The following LRP4 variants were observed in gnomAD, a reference collection of about 807,000 sequenced individuals.
LRP4 encodes low-density lipoprotein receptor-related protein 4.
A neutral mutation model predicts 220.3 loss-of-function variants in LRP4; 95 were observed. The ratio of observed to expected loss-of-function variants is 0.43; its 90% CI spans 0.37 to 0.51. The LOEUF (loss-of-function observed/expected upper bound fraction) is 0.51. Ranked by LOEUF, LRP4 falls within the 20% of genes least tolerant of loss-of-function variation. LRP4 has a pLI of 0.00. For missense variants in LRP4, 1,925 were observed against 2,567.0 expected (o/e 0.75, Z 5.40); for synonymous variants, 903 against 954.6 (o/e 0.95, Z 1.00).
intron 34 of LRP4, among the ~76,000 whole-genome samples, chr11:46,866,735 ATGG>A (rs1940712980): frequency 6.6e-6 from 1 of 152,184 alleles, no homozygotes; most frequent in Admixed American, 6.5e-5. Flanking sequence ...CCTGGGCAAC[ATGG>A]TGAAGCCCCA....
At chr11:46,867,935 G>A in intron 34 of LRP4, 44 bp downstream of exon 34, 1 of 1,613,448 alleles carries the variant, frequency 6.2e-7, no homozygotes, top group Non-Finnish European at 8.5e-7. Flanking sequence ...ATGGGATGGT[G>A]ATTTGAATCA....
chr11:46,877,506 C>T (rs955550550), intron 22 of LRP4, among the ~76,000 whole-genome samples, 167 bp from the exon 23 acceptor site: 5 of 152,136 alleles, frequency 3.3e-5, no homozygotes, highest in African/African-American at 9.7e-5. Context: ...CTTGCTGTGT[C>T]GCCCAGGCTG....
At chr11:46,878,078 C>T (rs1055883781) in intron 22 of LRP4, among the ~76,000 whole-genome samples, 9 of 152,074 alleles carry the variant, frequency 5.9e-5, no homozygotes, top group African/African-American at 2.2e-4. Context: ...GCAGCCTACC[C>T]TGCAGCATCT....
rs753496317 is a variant in LRP4, at chr11:46,875,144, C to T, written c.3926-41G>A. ...ACAAGTATTCACACCTAGCCTGGAA[C>T]ATCATCTGAATCTTACAAAGGTCCC... On this transcript the variant is annotated intron_variant, in intron 27 of 37. Coordinates refer to ENST00000378623, the MANE Select transcript of LRP4 (RefSeq NM_002334.4). This position sits in a 1 kb window ranked among gnomAD's most constrained non-coding sequence, Gnocchi z 4.5. The T allele has an allele frequency of 1.0e-5, 16 of 1,589,716 alleles. No individual in the cohort carries two copies. Among genetic ancestry groups the T allele is most frequent in the Middle Eastern group, 2.2e-4 (1 of 4,606 alleles).
chr11:46,870,151 C>T (rs900940096), intron 31 of LRP4, among the ~76,000 whole-genome samples: 19 of 151,988 alleles, frequency 1.3e-4, no homozygotes, highest in African/African-American at 4.6e-4. Flanking sequence ...TGCCTGTAAT[C>T]CCACCTACTC....
intron 36 of LRP4, among the ~76,000 whole-genome samples, chr11:46,863,479 T>C (rs1196512675): frequency 1.3e-5 from 2 of 150,908 alleles, no homozygotes; most frequent in African/African-American, 4.9e-5. Context: ...GGCTCACACC[T>C]GTAATCTTGG....
At position 46,873,275 on chromosome 11, in the gene LRP4, ACAG is replaced by A. The variant is rs777222513; in HGVS notation, c.4449-44_4449-42del. On this transcript the variant is annotated intron_variant, in intron 29 of 37. Transcript: ENST00000378623. This position sits in a 1 kb window ranked among gnomAD's most constrained non-coding sequence, Gnocchi z 4.2. ...GCCATCATCATCAAGGCATGGGAAG[ACAG>A]CACCCAGAGGTTGAGAGAACACAGA... 1 of 1,614,070 alleles carries A rather than the reference ACAG, an allele frequency of 6.2e-7. No individual in the cohort carries two copies. Among genetic ancestry groups the A allele is most frequent in the Non-Finnish European group, 8.5e-7 (1 of 1,179,946 alleles).
At chr11:46,897,126 G>A (rs2134856342) in intron 7 of LRP4, 132 bp from the exon 8 acceptor site, 1 of 1,168,436 alleles carries the variant, frequency 8.6e-7, no homozygotes, top group Non-Finnish European at 1.2e-6. Flanking sequence ...TCTATATAGT[G>A]TCTTTGTGTG....
intron 28 of LRP4, chr11:46,874,535 G>A (rs534962346): frequency 1.3e-5 from 6 of 472,696 alleles, no homozygotes; most frequent in South Asian, 4.7e-5. Flanking sequence ...AATGGTAGAT[G>A]TGAAAGTCTC....
At chr11:46,897,093 C>G (rs1941548900) in intron 7 of LRP4, 99 bp from the exon 8 acceptor site, 1 of 1,477,104 alleles carries the variant, frequency 6.8e-7, no homozygotes, top group Admixed American at 1.7e-5. Flanking sequence ...CCATGCCACT[C>G]TTGACACCGG....
chr11:46,900,096 G>A (rs1007616796), intron 3 of LRP4, 120 bp from the exon 4 acceptor site: 3 of 990,942 alleles, frequency 3.0e-6, no homozygotes, highest in African/African-American at 3.2e-5. Context: ...CTCCGAAGGA[G>A]GTGGCTGCCT....
chr11:46,876,035 AACAGTATGTCAGATACACTTGAGTACTT>A, intron 25 of LRP4, 69 bp from the exon 26 acceptor site: 1 of 1,527,676 alleles, frequency 6.5e-7, no homozygotes, highest in Non-Finnish European at 9.1e-7. Context: ...ATGAATACTT[AACAGTATGTCAGATACACTTGAGTACTT>A]ACAGTATGTC....
intron 1 of LRP4, among the ~76,000 whole-genome samples, chr11:46,906,597 G>T (rs1368627275): frequency 6.6e-6 from 1 of 152,186 alleles, no homozygotes; most frequent in Non-Finnish European, 1.5e-5. Flanking sequence ...GGCTGTGGAG[G>T]CTAAATTTTT....
intron 16 of LRP4, among the ~76,000 whole-genome samples, chr11:46,888,573 A>AAAAAAAAAAAAAAAT: frequency 6.7e-6 from 1 of 150,104 alleles, no homozygotes; most frequent in Non-Finnish European, 1.5e-5. Context: ...AAAAAAAAAA[A>AAAAAAAAAAAAAAAT]GAATGCAAGG....
Position 46,890,527 on chromosome 11 carries a change from A to G in LRP4, c.1698-33T>C, listed in dbSNP as rs750903789. The G allele has an allele frequency of 6.8e-7, 1 of 1,463,812 alleles. No individual in the cohort carries two copies. Among genetic ancestry groups the G allele is most frequent in the Non-Finnish European group, 9.6e-7 (1 of 1,046,810 alleles). 90.7% of individuals were successfully genotyped at this position (1,463,812 alleles called of 1,614,324 possible). ...GAGAAAAGTAAATTGGGAAGTGGGCAGCAGAAAACAGGTAGGTAACCAGGA... is the reference window on the plus strand; with the variant it reads ...GAGAAAAGTAAATTGGGAAGTGGGCGGCAGAAAACAGGTAGGTAACCAGGA... On this transcript the variant is annotated intron_variant, in intron 13 of 37. Transcript: ENST00000378623. This position sits in a 1 kb window ranked among gnomAD's most constrained non-coding sequence, Gnocchi z 5.3.
chr11:46,869,596 C>G (rs1940804709), intron 31 of LRP4, among the ~76,000 whole-genome samples: 1 of 152,130 alleles, frequency 6.6e-6, no homozygotes, highest in Non-Finnish European at 1.5e-5. Flanking sequence ...CAAATCCTCT[C>G]TTTACTTCTG....
intron 2 of LRP4, among the ~76,000 whole-genome samples, chr11:46,901,515 AG>A (rs990842902): frequency 2.8e-4 from 43 of 152,334 alleles, no homozygotes; most frequent in African/African-American, 1.0e-3. Flanking sequence ...CAACACAATT[AG>A]CTGAACTGGT....
Position 46,886,335 on chromosome 11 carries a change from G to T in LRP4, c.2414C>A (p.Thr805Lys), listed in dbSNP as rs568002838. 6.3e-6 allele frequency: 10 copies of T among 1,586,038 alleles called. No homozygotes were observed. In the African/African-American group the frequency reaches 1.3e-4, roughly 21 times the overall value. The change falls in exon 17 of 38, where the codon ACA becomes AAA. Residue 805 changes from threonine to lysine, a missense_variant. Coordinates refer to ENST00000378623, the MANE Select transcript of LRP4 (RefSeq NM_002334.4). ...CACGCTGGGCCCTACCTCCTGTCCT[G>T]TTCCATCCCACTTGGCCCTGCTGAT... Reference protein sequence around the residue: ...DTISRAKWDGTGQEVVVDTSL... With the variant: ...DTISRAKWDGKGQEVVVDTSL...
intron 34 of LRP4, among the ~76,000 whole-genome samples, chr11:46,866,524 G>T (rs894360714): frequency 6.6e-6 from 1 of 152,110 alleles, no homozygotes; most frequent in African/African-American, 2.4e-5. Flanking sequence ...GGACTCATGT[G>T]ATCTGCCCAC....
Sources: allele counts gnomAD v4.1 joint callset (sites outside exome capture counted in the v4.1 genomes callset), GRCh38; gene constraint gnomAD v4.1.1; non-coding constraint Gnocchi (gnomAD v3.1); transcripts MANE v1.5; gene names NCBI Gene and HGNC (gene_info 2026-07-23, HGNC 2026-07-21).